Variants in PTPRN2 observed in about 807,000 individuals in gnomAD.
PTPRN2 encodes the protein protein tyrosine phosphatase receptor type N2, also known as receptor-type tyrosine-protein phosphatase N2.
PTPRN2 carries 74 observed loss-of-function variants against 118.8 expected under a neutral mutation model. That is an observed-to-expected ratio of 0.62 (90% CI 0.52 to 0.76). PTPRN2 has a LOEUF of 0.76. Among genes scored for constraint, PTPRN2 ranks in the 30% least tolerant of loss-of-function variants. The pLI is 0.00. For synonymous variants in PTPRN2, 641 were observed against 608.0 expected (o/e 1.05, Z -0.80); for missense variants, 1,481 against 1,394.4 (o/e 1.06, Z -0.99).
intron 12 of PTPRN2, among the ~76,000 whole-genome samples, chr7:157,855,408 C>G (rs1337028795): frequency 6.6e-6 from 1 of 152,200 alleles, no homozygotes; most frequent in African/African-American, 2.4e-5. Flanking sequence ...AAACAACAAA[C>G]AAACCCATGG....
At chr7:157,634,290 G>C (rs923648115) in intron 14 of PTPRN2, among the ~76,000 whole-genome samples, 1 of 152,102 alleles carries the variant, frequency 6.6e-6, no homozygotes. Context: ...TAACAGTCTG[G>C]ATAAAAACCT....
At chr7:158,327,603 ACT>A (rs1449858825) in intron 2 of PTPRN2, among the ~76,000 whole-genome samples, 1 of 152,078 alleles carries the variant, frequency 6.6e-6, no homozygotes, top group Non-Finnish European at 1.5e-5. Context: ...CACTACTCAC[ACT>A]CAGAATAGCA....
chr7:158,225,915 G>C (rs114730739), intron 3 of PTPRN2, among the ~76,000 whole-genome samples: 26,113 of 133,734 alleles, frequency 0.2, 2,583 homozygotes, highest in Non-Finnish European at 0.23. Context: ...AGGAACAGAG[G>C]GAGGGGAGTT....
intron 3 of PTPRN2, among the ~76,000 whole-genome samples, chr7:158,293,994 T>A (rs187215096): frequency 3.3e-5 from 5 of 152,264 alleles, no homozygotes; most frequent in African/African-American, 1.2e-4. Flanking sequence ...GTAAAAAGAG[T>A]GCATTCTAAA....
chr7:158,578,170 C>T (rs1194801644), intron 1 of PTPRN2, among the ~76,000 whole-genome samples: 1 of 152,086 alleles, frequency 6.6e-6, no homozygotes, highest in African/African-American at 2.4e-5. Context: ...CATAATAAAA[C>T]ATTTTAAAAG....
At position 157,932,667 on chromosome 7, in the gene PTPRN2, CTGAT is replaced by C. The variant is rs552640155; in HGVS notation, c.1724-33934_1724-33931del. On this transcript the variant is annotated intron_variant, in intron 11 of 22. Transcript: ENST00000389418. The stretch of plus-strand genomic sequence containing the variant: ...CAGTTTGAGAGTGGGGTGAGTCACT[CTGAT>C]TGACATCTTTAGAGGAGGAGTGTCA... Among the ~76,000 whole-genome samples, 141 of 151,340 alleles carry C rather than the reference CTGAT, an allele frequency of 9.3e-4. 6 individuals are homozygous for C. The South Asian group carries it at 0.028, about 30-fold the overall frequency.
intron 2 of PTPRN2, among the ~76,000 whole-genome samples, chr7:158,322,587 A>ATGGGGAGGGAGCAGCTC (rs1563137109): frequency 2.5e-3 from 150 of 59,876 alleles, no homozygotes; most frequent in African/African-American, 9.5e-3. Context: ...CCAGTGGGCA[A>ATGGGGAGGGAGCAGCTC]CGGGGAGGGA....
intron 1 of PTPRN2, among the ~76,000 whole-genome samples, chr7:158,497,987 C>A (rs1262971227): frequency 6.6e-6 from 1 of 152,264 alleles, no homozygotes; most frequent in Non-Finnish European, 1.5e-5. Context: ...AAGGTGGATC[C>A]TTGGGGCTCA....
Position 157,576,670 on chromosome 7 carries a change from A to G in PTPRN2, c.2726T>C (p.Leu909Pro). The G allele has an allele frequency of 6.2e-7, 1 of 1,612,660 alleles. No homozygotes were observed. Among genetic ancestry groups the G allele is most frequent in the Non-Finnish European group, 8.5e-7 (1 of 1,179,408 alleles). The change falls in exon 19 of 23, where the codon CTG becomes CCG. Residue 909 changes from leucine (L) to proline (P), a missense_variant. By Grantham distance (98) the Leu-to-Pro change is moderately conservative. Transcript: ENST00000389418. Reference protein sequence around the residue: ...ETRTVTQFHFLSWYDRGVPSS... With the variant: ...ETRTVTQFHFPSWYDRGVPSS... ...AGGGACTCCTCGGTCATACCAACTC[A>G]GGAAGTGGAACTGCGTCACGGTGCG... is the stretch of plus-strand genomic sequence containing the variant.
intron 17 of PTPRN2, among the ~76,000 whole-genome samples, chr7:157,592,523 C>T (rs373261721): frequency 3.3e-5 from 5 of 151,560 alleles, no homozygotes; most frequent in South Asian, 2.1e-4. Flanking sequence ...TCATCGTGGT[C>T]GTTGAGTGTG....
intron 2 of PTPRN2, among the ~76,000 whole-genome samples, chr7:158,342,836 C>T (rs558662062): frequency 1.3e-4 from 20 of 152,200 alleles, no homozygotes; most frequent in African/African-American, 4.6e-4. Flanking sequence ...TCCAGACCAC[C>T]GGGAGCTCAG....
At chr7:158,433,160 C>T (rs2129430242) in intron 2 of PTPRN2, among the ~76,000 whole-genome samples, 1 of 152,326 alleles carries the variant, frequency 6.6e-6, no homozygotes, top group Non-Finnish European at 1.5e-5. Flanking sequence ...TATTTAATTG[C>T]ATGGAACATC....
At chr7:158,501,335 C>G (rs754862491) in intron 1 of PTPRN2, among the ~76,000 whole-genome samples, 5 of 152,204 alleles carry the variant, frequency 3.3e-5, no homozygotes, top group Non-Finnish European at 7.3e-5. Context: ...CCAAGGGTCT[C>G]AGAGCCTCTG....
chr7:158,037,366 A>G (rs2128886763), intron 11 of PTPRN2, among the ~76,000 whole-genome samples: 1 of 152,294 alleles, frequency 6.6e-6, no homozygotes, highest in South Asian at 2.1e-4. Flanking sequence ...TGTTGTGCCA[A>G]CATCACAGAG....
intron 4 of PTPRN2, among the ~76,000 whole-genome samples, chr7:158,202,907 G>C (rs1021905496): frequency 1.3e-5 from 2 of 152,126 alleles, no homozygotes; most frequent in Admixed American, 6.5e-5. Context: ...TTTTTATACA[G>C]ACAAAGACCA....
intron 1 of PTPRN2, among the ~76,000 whole-genome samples, chr7:158,553,563 C>T (rs1173075303): frequency 6.6e-6 from 1 of 151,598 alleles, no homozygotes; most frequent in African/African-American, 2.4e-5. Context: ...CATGCACAGG[C>T]TTGGGAATTT....
chr7:158,279,814 G>T (rs957821940), intron 3 of PTPRN2, among the ~76,000 whole-genome samples: 1 of 152,184 alleles, frequency 6.6e-6, no homozygotes, highest in African/African-American at 2.4e-5. Flanking sequence ...GGCTCTTCGA[G>T]CCCGGCCAGA....
chr7:157,565,757 A>G (rs980823741), intron 21 of PTPRN2, among the ~76,000 whole-genome samples: 3 of 152,022 alleles, frequency 2.0e-5, no homozygotes, highest in Admixed American at 6.6e-5. Flanking sequence ...CTTGGAAAAT[A>G]TCTTGCTTGA....
intron 15 of PTPRN2, among the ~76,000 whole-genome samples, chr7:157,614,873 C>G (rs1802654898): frequency 6.6e-6 from 1 of 152,240 alleles, no homozygotes; most frequent in African/African-American, 2.4e-5. Context: ...GCCTCCAGGA[C>G]TATGGGGAAA....
Sources: allele counts gnomAD v4.1 joint callset (sites outside exome capture counted in the v4.1 genomes callset), GRCh38; gene constraint gnomAD v4.1.1; transcripts MANE v1.5; gene names NCBI Gene and HGNC (gene_info 2026-07-23, HGNC 2026-07-21).